Variants in TENT4A observed in about 807,000 individuals in gnomAD.
TENT4A encodes the protein terminal nucleotidyltransferase 4A, also known as DNA polymerase kappa.
TENT4A carries 7 observed loss-of-function variants against 72.8 expected under a neutral mutation model. The ratio of observed to expected loss-of-function variants is 0.10; its 90% CI spans 0.05 to 0.18. TENT4A has a LOEUF of 0.18. TENT4A is among the 10% of genes least tolerant of loss of function. The pLI, the probability that TENT4A is intolerant of heterozygous loss-of-function variation, is 1.00. For synonymous variants in TENT4A, 456 were observed against 434.3 expected, an observed-to-expected ratio of 1.05 and a Z score of -0.62; for missense variants, 831 against 1,017.7, an observed-to-expected ratio of 0.82 and a Z score of 2.50.
At position 6,739,848 on chromosome 5, in the gene TENT4A, C is replaced by T; in HGVS notation, c.1004C>T (p.Ala335Val). ...TGTTCCATCAAAGTCCTTGACAAGG[C>T]TACGGTGAGTGCCTGGCTTTGGCCC... ...EPCSIKVLDK[A>V]TVPIIKLTDQ... The change falls in exon 4 of 13, where the codon GCT becomes GTT. Residue 335 changes from alanine (A) to valine (V), a missense_variant. Transcript: ENST00000230859. 1 of 1,613,730 alleles carries T rather than the reference C, an allele frequency of 6.2e-7. No individual in the cohort carries two copies. The highest frequency in any genetic ancestry group is 8.5e-7 in the Non-Finnish European group (1 of 1,179,600).
rs755713523 is a variant in TENT4A, at chr5:6,752,981, C to T, written c.2128C>T (p.Pro710Ser). 2 of 1,614,064 alleles carry T rather than the reference C, an allele frequency of 1.2e-6. No homozygotes were observed. The highest frequency in any genetic ancestry group is 1.7e-5 in the Admixed American group (1 of 59,998). ...GAAAGCCGTCCACCACATGTCTTCC[C>T]CGGCCATTCCCTCAGCGTCCCCCAA... The part of the protein sequence containing the change: ...SLKAVHHMSS[P>S]AIPSASPNPL... Residue 710 changes from proline to serine, a missense_variant, in exon 12 of 13, where the codon CCG (proline) becomes TCG (serine). Physicochemically the swap from Pro to Ser is moderately conservative, Grantham distance 74. Transcript: ENST00000230859.
intron 1 of TENT4A, among the ~76,000 whole-genome samples, chr5:6,732,726 A>C (rs1170036954): frequency 6.6e-6 from 1 of 152,206 alleles, no homozygotes; most frequent in East Asian, 1.9e-4. Context: ...GACTAAAATA[A>C]AAATTCACTA....
At chr5:6,735,805 G>C (rs1306879306) in intron 1 of TENT4A, among the ~76,000 whole-genome samples, 1 of 150,526 alleles carries the variant, frequency 6.6e-6, no homozygotes, top group Non-Finnish European at 1.5e-5. Flanking sequence ...CTGTCGCCCA[G>C]GCTGGAGTAC....
At chr5:6,737,295 A>C (rs1741558267) in intron 1 of TENT4A, among the ~76,000 whole-genome samples, 1 of 152,240 alleles carries the variant, frequency 6.6e-6, no homozygotes, top group Admixed American at 6.5e-5. Flanking sequence ...ATTTATTGAT[A>C]CTTGGTATTG....
intron 1 of TENT4A, among the ~76,000 whole-genome samples, chr5:6,716,398 A>T (rs1398398462): frequency 6.6e-6 from 1 of 152,148 alleles, no homozygotes; most frequent in Non-Finnish European, 1.5e-5. Flanking sequence ...TTCGTCACCC[A>T]CGTCCAGTCT....
In TENT4A at chr5:6,714,408, G is replaced by A. The variant is rs1740252596; in HGVS notation, c.425G>A (p.Gly142Asp). 1 of 1,142,572 alleles carries A rather than the reference G, an allele frequency of 8.8e-7. No homozygotes were observed. Among genetic ancestry groups the A allele is most frequent in the Non-Finnish European group, 1.1e-6 (1 of 931,642 alleles). 70.8% of individuals were successfully genotyped at this position (1,142,572 alleles called of 1,614,324 possible). ...AGCAGCGCCTCGCTGGGCCGGCCGG[G>A]CGGCGGCCGCGGCGGCGCCTTCTTC... is the stretch of plus-strand genomic sequence containing the variant. ...SSSSASLGRP[G>D]GGRGGAFFNF... The change falls in exon 1 of 13, where the codon GGC becomes GAC. Residue 142 changes from glycine (G) to aspartate (D), a missense_variant. By Grantham distance (94) the Gly-to-Asp change is moderately conservative (BLOSUM62 -1). Coordinates refer to ENST00000230859, the MANE Select transcript of TENT4A (RefSeq NM_006999.6).
At chr5:6,735,979 T>C (rs1488094747) in intron 1 of TENT4A, among the ~76,000 whole-genome samples, 2 of 152,172 alleles carry the variant, frequency 1.3e-5, no homozygotes, top group Non-Finnish European at 2.9e-5. Flanking sequence ...GTCAGGATGG[T>C]CTTGATCTCC....
At position 6,714,160 on chromosome 5, in the gene TENT4A, G is replaced by C; in HGVS notation, c.177G>C (p.Arg59=). The C allele has an allele frequency of 1.0e-6, 1 of 974,380 alleles. No individual in the cohort carries two copies. Among genetic ancestry groups the C allele is most frequent in the East Asian group, 1.2e-4 (1 of 8,366 alleles). The allele number at this position is 974,380 out of a possible 1,614,324, so 60.4% of individuals were successfully genotyped here. A position where few individuals can be genotyped will look rare whatever the true frequency, so the allele number is the denominator to read the frequency against. ...DTAAAAGAAG[R]GSGGLGPALP... is the part of the protein sequence containing the mutation. ...CGGCCGCGGCGGGGGCGGCCGGGCG[G>C]GGCAGTGGCGGCCTGGGCCCCGCGC... is the stretch of plus-strand genomic sequence containing the variant. Residue 59 remains arginine, a synonymous_variant, in exon 1 of 13, where the codon CGG becomes CGC. Coordinates refer to ENST00000230859, the MANE Select transcript of TENT4A (RefSeq NM_006999.6).
chr5:6,717,462 G>A (rs770067954), intron 1 of TENT4A, among the ~76,000 whole-genome samples: 1 of 152,236 alleles, frequency 6.6e-6, no homozygotes, highest in Admixed American at 6.5e-5. Flanking sequence ...CTTTTCTGGG[G>A]AGGAGTTTTC....
At position 6,742,711 on chromosome 5, in the gene TENT4A, A is replaced by G. The variant is rs1678958625; in HGVS notation, c.1116+114A>G. 7 of 653,264 alleles carry G rather than the reference A, an allele frequency of 1.1e-5. No homozygotes were observed. The South Asian group carries it at 1.2e-4, about 12-fold the overall frequency. The allele number at this position is 653,264 out of a possible 1,614,324, so 40.5% of individuals were successfully genotyped here. A position where few individuals can be genotyped will look rare whatever the true frequency, so the allele number is the denominator to read the frequency against. ...TGCACACACAAGTCTTTCGTAACAC[A>G]GACTACACTTACATTATTTCTCCTA... On this transcript the variant is annotated intron_variant, in intron 5 of 12. Coordinates refer to ENST00000230859, the MANE Select transcript of TENT4A (RefSeq NM_006999.6).
chr5:6,732,653 C>CT (rs1403556533), intron 1 of TENT4A, among the ~76,000 whole-genome samples: 4 of 152,168 alleles, frequency 2.6e-5, no homozygotes, highest in African/African-American at 4.8e-5. Flanking sequence ...ACTTTATTCT[C>CT]TAATTTTTAG....
At chr5:6,717,346 A>G (rs901428254) in intron 1 of TENT4A, among the ~76,000 whole-genome samples, 8 of 152,236 alleles carry the variant, frequency 5.3e-5, no homozygotes, top group African/African-American at 1.9e-4. Flanking sequence ...CACTTCTGAA[A>G]ATGCAGTGTG....
Position 6,756,771 on chromosome 5 carries a change from C to T in TENT4A, c.*1826C>T, listed in dbSNP as rs1742723791. ...GCATTAGCAATATTGACTGTAAACC[C>T]ACATTAAGGAAACCACTACGGGTCT... On this transcript the variant is annotated 3_prime_UTR_variant, in exon 13 of 13. Coordinates refer to ENST00000230859, the MANE Select transcript of TENT4A (RefSeq NM_006999.6). The T allele has an allele frequency of 6.6e-6, 1 of 152,560 alleles. No homozygotes were observed. The highest frequency in any genetic ancestry group is 2.1e-4 in the South Asian group (1 of 4,826). 9.5% of individuals were successfully genotyped at this position (152,560 alleles called of 1,614,324 possible).
chr5:6,726,809 C>T (rs1409147224), intron 1 of TENT4A, among the ~76,000 whole-genome samples: 1 of 152,208 alleles, frequency 6.6e-6, no homozygotes, highest in African/African-American at 2.4e-5. Flanking sequence ...CAGCGCCCTC[C>T]CTCCTGCGCC....
At chr5:6,736,267 T>C (rs1003738776) in intron 1 of TENT4A, among the ~76,000 whole-genome samples, 4 of 152,164 alleles carry the variant, frequency 2.6e-5, no homozygotes, top group Admixed American at 2.6e-4. Flanking sequence ...GAAGTGGCAA[T>C]ACTTTAGGTG....
Position 6,755,885 on chromosome 5 carries a change from A to C in TENT4A, c.*940A>C, listed in dbSNP as rs1187718776. 6.6e-6 allele frequency: 1 copy of C among 152,272 alleles called. No individual in the cohort carries two copies. The highest frequency in any genetic ancestry group is 1.5e-5 in the Non-Finnish European group (1 of 68,052). The allele number at this position is 152,272 out of a possible 1,614,324, so 9.4% of individuals were successfully genotyped here. On this transcript the variant is annotated 3_prime_UTR_variant, in exon 13 of 13. Coordinates refer to ENST00000230859, the MANE Select transcript of TENT4A (RefSeq NM_006999.6). ...GAGAGAAGGGTTGTCACATTATAAA[A>C]TCTTTAGGAAAATGTGAACTGGAAA...
chr5:6,749,515 A>G (rs370707400), intron 8 of TENT4A, 42 bp from the exon 9 acceptor site: 6 of 1,320,092 alleles, frequency 4.5e-6, no homozygotes, highest in Non-Finnish European at 6.6e-6. Context: ...GCTCCCTGAC[A>G]CCTGTTGTAC....
At chr5:6,726,118 TATGACC>T (rs1740906431) in intron 1 of TENT4A, among the ~76,000 whole-genome samples, 1 of 152,196 alleles carries the variant, frequency 6.6e-6, no homozygotes, top group Non-Finnish European at 1.5e-5. Flanking sequence ...TGTTTGTAGT[TATGACC>T]ACTGTTGCAC....
In TENT4A at chr5:6,713,907, C is replaced by A; in HGVS notation, c.-77C>A. 2 of 531,604 alleles carry A rather than the reference C, an allele frequency of 3.8e-6. No individual in the cohort carries two copies. The highest frequency in any genetic ancestry group is 4.8e-6 in the Non-Finnish European group (2 of 418,644). 32.9% of individuals were successfully genotyped at this position (531,604 alleles called of 1,614,324 possible). On this transcript the variant is annotated 5_prime_UTR_variant, in exon 1 of 13. Transcript: ENST00000230859. ...CGTCCGTCCGTCCGTGCGCGCGCGG[C>A]CGGGCCTCGGGGCGCGGCGGGGGCG...
Sources: gnomAD v4.1 joint callset for allele counts (sites outside exome capture counted in the v4.1 genomes callset) on GRCh38, gnomAD v4.1.1 for gene constraint, MANE v1.5 for transcripts, NCBI Gene and HGNC (gene_info 2026-07-23, HGNC 2026-07-21) for gene names.